The following ITGB5 variants were observed in gnomAD, a reference collection of about 807,000 sequenced individuals.
The protein encoded by ITGB5 is integrin beta-5.
A neutral mutation model predicts 84.8 loss-of-function variants in ITGB5; 38 were observed. The observed-to-expected ratio is 0.45, with a 90% CI of 0.35 to 0.59. The LOEUF is 0.59. ITGB5 is among the 20% of genes least tolerant of loss of function. The pLI, the probability that ITGB5 is intolerant of heterozygous loss-of-function variation, is 0.01. For synonymous variants in ITGB5, 393 were observed against 414.4 expected (o/e 0.95, Z 0.63); for missense variants, 905 against 1,034.5 (o/e 0.87, Z 1.72).
upstream of ITGB5, among the ~76,000 whole-genome samples, chr3:124,888,798 G>A (rs558424212): frequency 3.3e-5 from 5 of 152,280 alleles, no homozygotes; most frequent in Middle Eastern, 3.4e-3. Flanking sequence ...AGAATGGCTT[G>A]GAGGGCCCAG....
chr3:124,778,803 G>C (rs2150943947), intron 10 of ITGB5, among the ~76,000 whole-genome samples: 1 of 152,354 alleles, frequency 6.6e-6, no homozygotes, highest in Non-Finnish European at 1.5e-5. Context: ...TCACAGTAGA[G>C]ATGGAGTGGG....
At chr3:124,824,839 G>A (rs943471962) in intron 5 of ITGB5, among the ~76,000 whole-genome samples, 1 of 152,134 alleles carries the variant, frequency 6.6e-6, no homozygotes. Context: ...CAGCGAGATA[G>A]CCATTAGATC....
chr3:124,774,746 G>A (rs1213358830), intron 10 of ITGB5, among the ~76,000 whole-genome samples: 5 of 151,890 alleles, frequency 3.3e-5, no homozygotes, highest in Admixed American at 2.6e-4. Context: ...CCAGGGACCC[G>A]AAACCCAGAA....
chr3:124,863,936 G>A (rs1212617863), intron 2 of ITGB5, among the ~76,000 whole-genome samples: 2 of 142,588 alleles, frequency 1.4e-5, no homozygotes, highest in Non-Finnish European at 3.0e-5. Flanking sequence ...TTATAAATCT[G>A]GAAAATGTCT....
At chr3:124,778,475 C>T (rs996886930) in intron 10 of ITGB5, among the ~76,000 whole-genome samples, 1 of 152,176 alleles carries the variant, frequency 6.6e-6, no homozygotes, top group African/African-American at 2.4e-5. Flanking sequence ...CCCAGGAAGA[C>T]GTGAGAGGAA....
At chr3:124,773,964 ACATAACCATCT>A in intron 10 of ITGB5, 52 bp from the exon 11 acceptor site, 1 of 1,524,602 alleles carries the variant, frequency 6.6e-7, no homozygotes, top group Non-Finnish European at 9.1e-7. Flanking sequence ...ACACATGAGC[ACATAACCATCT>A]GGTGCCCCAC....
At chr3:124,859,075 A>G (rs1267258236) in intron 3 of ITGB5, among the ~76,000 whole-genome samples, 167 bp downstream of exon 3, 1 of 152,196 alleles carries the variant, frequency 6.6e-6, no homozygotes, top group Non-Finnish European at 1.5e-5. Flanking sequence ...AGACACATCA[A>G]TAAGAATATA....
intron 3 of ITGB5, among the ~76,000 whole-genome samples, chr3:124,850,828 G>A (rs147515711): frequency 1.4e-4 from 22 of 152,024 alleles, no homozygotes; most frequent in African/African-American, 2.9e-4. Context: ...AGCTTGTCCC[G>A]CCAGAGGGCT....
intron 10 of ITGB5, among the ~76,000 whole-genome samples, chr3:124,795,445 T>C (rs1273973972): frequency 1.3e-5 from 2 of 151,404 alleles, no homozygotes; most frequent in Non-Finnish European, 2.9e-5. Flanking sequence ...GTCGAGATCC[T>C]GCCATTGCAC....
At chr3:124,885,753 A>G (rs2107655064) in intron 1 of ITGB5, among the ~76,000 whole-genome samples, 1 of 152,258 alleles carries the variant, frequency 6.6e-6, no homozygotes, top group East Asian at 1.9e-4. Context: ...TGGAGTGATT[A>G]TTTTCCCATT....
chr3:124,769,059 G>A lies in ITGB5; in HGVS notation c.1971C>T (p.Cys657=), dbSNP rs1287161995. ...LHSGKPDNQT[C]HSLCRDEVIT... ...TCACCTCATCCCTGCATAGGCTGTGGCAGGTCTGGTTGTCAGGTTTCCCAG... is the reference window on the plus strand; with the variant it reads ...TCACCTCATCCCTGCATAGGCTGTGACAGGTCTGGTTGTCAGGTTTCCCAG... The change falls in exon 12 of 15, where the codon TGC becomes TGT. Residue 657 remains cysteine (C), a synonymous_variant. Transcript: ENST00000296181. 2 of 1,614,040 alleles carry A rather than the reference G, an allele frequency of 1.2e-6. No homozygotes were observed. Among genetic ancestry groups the A allele is most frequent in the East Asian group, 4.5e-5 (2 of 44,886 alleles).
At chr3:124,792,410 T>A (rs771185002) in intron 10 of ITGB5, 1 of 152,194 alleles carries the variant, frequency 6.6e-6, no homozygotes, top group Non-Finnish European at 1.5e-5. Context: ...CTAAGGCTAA[T>A]CCCCCAACTC....
At position 124,776,067 on chromosome 3, in the gene ITGB5, A is replaced by G. The variant is rs565857201; in HGVS notation, c.1694-2155T>C. Among the ~76,000 whole-genome samples the G allele has an allele frequency of 5.9e-5, 9 of 152,370 alleles. No individual in the cohort carries two copies. The South Asian group carries it at 1.9e-3, about 32-fold the overall frequency. On this transcript the variant is annotated intron_variant, in intron 10 of 14. Transcript: ENST00000296181. ...CCCTCCAGGAGAGGGAAGGAAAGCC[A>G]GACTCGGGCCCGGAGTCCGCTGTGG...
chr3:124,843,490 G>A (rs1040111436), intron 4 of ITGB5, among the ~76,000 whole-genome samples: 17 of 152,158 alleles, frequency 1.1e-4, no homozygotes, highest in East Asian at 7.7e-4. Context: ...TTTCACTCCC[G>A]CAAACAGCAA....
chr3:124,870,639 T>C (rs1338489961), intron 2 of ITGB5, among the ~76,000 whole-genome samples: 4 of 151,550 alleles, frequency 2.6e-5, no homozygotes, highest in African/African-American at 4.9e-5. Context: ...AGGCAGAGAA[T>C]TGCTTAAACC....
intron 10 of ITGB5, among the ~76,000 whole-genome samples, chr3:124,795,828 A>C (rs1217938466): frequency 6.6e-6 from 1 of 152,236 alleles, no homozygotes; most frequent in African/African-American, 2.4e-5. Flanking sequence ...AAAGGCCGGG[A>C]CACAGATTCT....
intron 1 of ITGB5, among the ~76,000 whole-genome samples, chr3:124,876,294 A>G (rs553009879): frequency 1.6e-3 from 238 of 152,284 alleles, no homozygotes; most frequent in African/African-American, 5.3e-3. Context: ...AACTACCTCC[A>G]TAAAGCTGGA....
chr3:124,812,035 G>T (rs1042452348), intron 8 of ITGB5, among the ~76,000 whole-genome samples: 1 of 152,222 alleles, frequency 6.6e-6, no homozygotes, highest in Non-Finnish European at 1.5e-5. Flanking sequence ...AGATCATCAG[G>T]TTGTATCGTG....
intron 2 of ITGB5, among the ~76,000 whole-genome samples, chr3:124,861,782 G>C (rs1375909098): frequency 6.6e-6 from 1 of 152,028 alleles, no homozygotes; most frequent in Admixed American, 6.6e-5. Context: ...GGATGGCCTC[G>C]ATCTCCTGAC....
Sources: gnomAD v4.1 joint callset for allele counts (sites outside exome capture counted in the v4.1 genomes callset) on GRCh38, gnomAD v4.1.1 for gene constraint, MANE v1.5 for transcripts, NCBI Gene and HGNC (gene_info 2026-07-23, HGNC 2026-07-21) for gene names.